LARGE1: variants seen among roughly 807,000 people sequenced by gnomAD.
LARGE1 encodes LARGE xylosyl- and glucuronyltransferase 1, also known as xylosyl- and glucuronyltransferase LARGE1.
A neutral mutation model predicts 87.6 loss-of-function variants in LARGE1; 43 were observed. The ratio of observed to expected loss-of-function variants is 0.49; its 90% CI spans 0.38 to 0.63. LARGE1 has a LOEUF of 0.63. Ranked by LOEUF, LARGE1 falls within the 30% of genes least tolerant of loss-of-function variation. The pLI is 0.00. For synonymous variants in LARGE1, 434 were observed against 394.6 expected (o/e 1.10, Z -1.18); for missense variants, 802 against 1,000.2 (o/e 0.80, Z 2.67).
At chr22:33,131,240 T>C in the LARGE1 span, among the ~76,000 whole-genome samples, 7 of 152,212 alleles carry the variant, frequency 4.6e-5, no homozygotes, top group East Asian at 1.2e-3. Context: ...TAAGGAACCG[T>C]GTAAAACCTA....
chr22:33,616,399 G>A (rs1399458230), intron 4 of LARGE1, among the ~76,000 whole-genome samples: 1 of 151,978 alleles, frequency 6.6e-6, no homozygotes, highest in African/African-American at 2.4e-5. Context: ...GGGCATGGTG[G>A]CAGGCACCTG....
chr22:33,099,432 T>C, the LARGE1 span, among the ~76,000 whole-genome samples: 1 of 152,060 alleles, frequency 6.6e-6, no homozygotes, highest in Non-Finnish European at 1.5e-5. Flanking sequence ...TGTGTATTTT[T>C]AGTAGAGACA....
At chr22:33,101,269 A>G in the LARGE1 span, among the ~76,000 whole-genome samples, 1 of 152,216 alleles carries the variant, frequency 6.6e-6, no homozygotes, top group Admixed American at 6.5e-5. Flanking sequence ...CATGGACTAA[A>G]GACCTAAATG....
intron 1 of LARGE1, among the ~76,000 whole-genome samples, chr22:33,876,482 C>T (rs951355722): frequency 2.0e-5 from 3 of 151,768 alleles, no homozygotes; most frequent in Non-Finnish European, 2.9e-5. Context: ...CACACTTATG[C>T]TTTCTGTGCT....
chr22:33,854,529 G>C (rs1400548693), intron 1 of LARGE1, among the ~76,000 whole-genome samples: 2 of 152,154 alleles, frequency 1.3e-5, no homozygotes, highest in African/African-American at 4.8e-5. Flanking sequence ...TTACTCACTT[G>C]AAGGGTAACC....
chr22:33,346,539 T>G (rs940678202), intron 9 of LARGE1, among the ~76,000 whole-genome samples: 1 of 152,090 alleles, frequency 6.6e-6, no homozygotes, highest in Non-Finnish European at 1.5e-5. Context: ...CTGACCTCAG[T>G]TGATCTGCCC....
At chr22:33,862,201 G>A (rs967305120) in intron 1 of LARGE1, among the ~76,000 whole-genome samples, 7 of 152,116 alleles carry the variant, frequency 4.6e-5, no homozygotes, top group African/African-American at 9.7e-5. Context: ...CTCTGTCCTC[G>A]AGAGCTCACG....
chr22:33,375,747 A>G (rs548411807), intron 9 of LARGE1, among the ~76,000 whole-genome samples: 1 of 151,824 alleles, frequency 6.6e-6, no homozygotes, highest in South Asian at 2.1e-4. Flanking sequence ...ATTTATGTTT[A>G]TTTTTTATTT....
chr22:33,618,530 T>C (rs1015596396), intron 4 of LARGE1, among the ~76,000 whole-genome samples: 6 of 152,236 alleles, frequency 3.9e-5, no homozygotes, highest in African/African-American at 1.4e-4. Flanking sequence ...GGTTTTAATA[T>C]TTATGGGTAT....
chr22:33,827,917 C>T (rs1282330747), intron 1 of LARGE1, among the ~76,000 whole-genome samples: 1 of 152,176 alleles, frequency 6.6e-6, no homozygotes, highest in Non-Finnish European at 1.5e-5. Flanking sequence ...CCAGGTGATG[C>T]ATACTGCAGG....
At chr22:33,568,928 C>T (rs1329434781) in intron 5 of LARGE1, among the ~76,000 whole-genome samples, 1 of 152,102 alleles carries the variant, frequency 6.6e-6, no homozygotes, top group Non-Finnish European at 1.5e-5. Flanking sequence ...GATTTGTCTA[C>T]AATCCCACAG....
chr22:33,113,677 C>T, the LARGE1 span, among the ~76,000 whole-genome samples: 1 of 152,194 alleles, frequency 6.6e-6, no homozygotes, highest in African/African-American at 2.4e-5. Flanking sequence ...GTTGGTTCAA[C>T]TGTTACAGAG....
intron 1 of LARGE1, among the ~76,000 whole-genome samples, chr22:33,780,029 C>T (rs1183013172): frequency 6.7e-6 from 1 of 150,272 alleles, no homozygotes; most frequent in Non-Finnish European, 1.5e-5. Context: ...GGCACGCTCA[C>T]TCTCAAGGCG....
Position 33,384,191 on chromosome 22 carries a change from C to T in LARGE1, c.1005+1G>A. The stretch of plus-strand genomic sequence containing the variant: ...CTGCACCTTCGAACCTGGCCACTCA[C>T]CTGGTCAGCTAAGGATGTAGAGAGC... On this transcript the variant is annotated splice_donor_variant, in intron 8 of 14. Coordinates refer to ENST00000397394, the MANE Select transcript of LARGE1 (RefSeq NM_133642.5). LOFTEE classifies it high-confidence loss of function. 2 of 1,610,044 alleles carry T rather than the reference C, an allele frequency of 1.2e-6. No homozygotes were observed. The highest frequency in any genetic ancestry group is 1.7e-6 in the Non-Finnish European group (2 of 1,176,208).
In LARGE1 at chr22:33,372,455, C is replaced by T. The variant is rs931798568; in HGVS notation, c.1131+9464G>A. Among the ~76,000 whole-genome samples the T allele has an allele frequency of 4.6e-5, 7 of 152,234 alleles. 1 individual carries two copies. The highest frequency in any genetic ancestry group is 4.8e-5 in the African/African-American group (2 of 41,540). ...GAGGTTTAAGGGACTCACAGTTCCA[C>T]GTGGTTGAGGAGGCCTCACAATCAA... On this transcript the variant is annotated intron_variant, in intron 9 of 14. Coordinates refer to ENST00000397394, the MANE Select transcript of LARGE1 (RefSeq NM_133642.5).
chr22:33,635,573 A>G (rs1021204854), intron 3 of LARGE1, among the ~76,000 whole-genome samples: 2 of 152,000 alleles, frequency 1.3e-5, no homozygotes, highest in Non-Finnish European at 2.9e-5. Context: ...TCTATACAGC[A>G]TTTTCCTAAC....
chr22:33,107,722 G>A, the LARGE1 span, among the ~76,000 whole-genome samples: 22 of 152,186 alleles, frequency 1.4e-4, 1 homozygote, highest in South Asian at 4.4e-3. Context: ...TTAAAAATGA[G>A]CTGGGCACAG....
chr22:33,670,398 A>G (rs240358), intron 2 of LARGE1, among the ~76,000 whole-genome samples: 98,287 of 151,166 alleles, frequency 0.65, 32,596 homozygotes, highest in African/African-American at 0.77. Flanking sequence ...TGTTGAGATT[A>G]GAAAGGTGAG....
At chr22:33,570,863 AC>A in intron 5 of LARGE1, among the ~76,000 whole-genome samples, 1 of 152,078 alleles carries the variant, frequency 6.6e-6, no homozygotes, top group Admixed American at 6.5e-5. Flanking sequence ...CTTCAGTCCA[AC>A]CAGGAACTTC....
Sources: gnomAD v4.1 joint callset for allele counts (sites outside exome capture counted in the v4.1 genomes callset) on GRCh38, gnomAD v4.1.1 for gene constraint, MANE v1.5 for transcripts, NCBI Gene and HGNC (gene_info 2026-07-23, HGNC 2026-07-21) for gene names.